Variants in CAMTA1 observed in about 807,000 individuals in gnomAD.
CAMTA1 encodes the protein calmodulin-binding transcription activator 1.
A neutral mutation model predicts 170.9 loss-of-function variants in CAMTA1; 27 were observed. The ratio of observed to expected loss-of-function variants is 0.16; its 90% CI spans 0.12 to 0.22. CAMTA1 has a LOEUF of 0.22. Ranked by LOEUF, CAMTA1 falls within the 10% of genes least tolerant of loss-of-function variation. The pLI, the probability that CAMTA1 is intolerant of heterozygous loss-of-function variation, is 1.00. For missense variants in CAMTA1, 1,619 were observed against 2,217.2 expected, an observed-to-expected ratio of 0.73 and a Z score of 5.42; for synonymous variants, 833 against 891.5, an observed-to-expected ratio of 0.93 and a Z score of 1.17.
chr1:6,886,137 A>T lies in CAMTA1; in HGVS notation c.234+60927A>T. 6.7e-6 allele frequency: 3 copies of T among 445,908 alleles called. No homozygotes were observed. The Admixed American group carries it at 7.2e-5, about 11-fold the overall frequency. 27.6% of individuals were successfully genotyped at this position (445,908 alleles called of 1,614,324 possible). ...TCTGCACGTGGTTATGGGTGGATGG[A>T]TGGGGGAAGTGACAGTGGGGTAACA... On this transcript the variant is annotated intron_variant, in intron 3 of 22. Coordinates refer to ENST00000303635, the MANE Select transcript of CAMTA1 (RefSeq NM_015215.4).
chr1:7,253,618 G>T (rs1226327724), intron 5 of CAMTA1, among the ~76,000 whole-genome samples: 1 of 152,118 alleles, frequency 6.6e-6, no homozygotes, highest in East Asian at 1.9e-4. Context: ...ACACATCCAT[G>T]CAAAGTACAT....
At chr1:7,096,323 T>A (rs1481634312) in intron 4 of CAMTA1, among the ~76,000 whole-genome samples, 1 of 152,120 alleles carries the variant, frequency 6.6e-6, no homozygotes, top group East Asian at 1.9e-4. Flanking sequence ...CTGATGGTGG[T>A]GGACATCAAA....
At chr1:6,863,121 C>T (rs933768230) in intron 3 of CAMTA1, among the ~76,000 whole-genome samples, 2 of 152,142 alleles carry the variant, frequency 1.3e-5, no homozygotes, top group Admixed American at 1.3e-4. Flanking sequence ...ACCAGCACGT[C>T]CCTCACTATA....
At chr1:6,884,569 A>G (rs760751178) in intron 3 of CAMTA1, among the ~76,000 whole-genome samples, 64 of 152,168 alleles carry the variant, frequency 4.2e-4, no homozygotes, top group Non-Finnish European at 7.2e-4. Context: ...ATCAGGTTTA[A>G]GCTTACTTCA....
At chr1:6,998,932 A>G (rs891103358) in intron 3 of CAMTA1, among the ~76,000 whole-genome samples, 2 of 152,236 alleles carry the variant, frequency 1.3e-5, no homozygotes, top group Non-Finnish European at 2.9e-5. Context: ...TACACATAAC[A>G]TAAAATTTAC....
intron 6 of CAMTA1, among the ~76,000 whole-genome samples, chr1:7,488,624 A>G (rs746978386): frequency 2.5e-4 from 38 of 152,158 alleles, no homozygotes; most frequent in Non-Finnish European, 4.6e-4. Flanking sequence ...ACATACACAT[A>G]CAATATACAT....
chr1:7,473,505 T>C (rs1225282322), intron 6 of CAMTA1, among the ~76,000 whole-genome samples: 4 of 152,194 alleles, frequency 2.6e-5, no homozygotes, highest in African/African-American at 9.6e-5. Context: ...TTCTGCTCCT[T>C]GTTCAGGAGA....
chr1:7,081,038 C>T (rs536374422), intron 3 of CAMTA1, among the ~76,000 whole-genome samples: 1 of 152,336 alleles, frequency 6.6e-6, no homozygotes, highest in African/African-American at 2.4e-5. Context: ...ACCAAAGGAA[C>T]AAGCTGCCTG....
intron 6 of CAMTA1, among the ~76,000 whole-genome samples, chr1:7,529,137 G>A (rs2150030854): frequency 6.6e-6 from 1 of 152,290 alleles, no homozygotes; most frequent in Admixed American, 6.5e-5. Flanking sequence ...AATGAAGGGG[G>A]CCTCCATAAA....
chr1:7,211,452 T>A lies in CAMTA1; in HGVS notation c.303-38039T>A, dbSNP rs1451530764. ...CGCTGTTCTGATTTTATTCTCACCA[T>A]AGATTAGCTTTACCTGTTCTAGCAC... On this transcript the variant is annotated intron_variant, in intron 4 of 22. Coordinates refer to ENST00000303635, the MANE Select transcript of CAMTA1 (RefSeq NM_015215.4). Among the ~76,000 whole-genome samples, 7 of 152,370 alleles carry A rather than the reference T, an allele frequency of 4.6e-5. No homozygotes were observed. The East Asian group carries it at 1.3e-3, about 29-fold the overall frequency.
At chr1:7,616,314 T>C (rs1191562232) in intron 6 of CAMTA1, among the ~76,000 whole-genome samples, 1 of 152,280 alleles carries the variant, frequency 6.6e-6, no homozygotes, top group Admixed American at 6.5e-5. Flanking sequence ...AGCAGAACTT[T>C]GAAATTAAAA....
At chr1:7,423,167 A>G (rs2091673636) in intron 5 of CAMTA1, among the ~76,000 whole-genome samples, 1 of 152,166 alleles carries the variant, frequency 6.6e-6, no homozygotes, top group African/African-American at 2.4e-5. Flanking sequence ...GCCTTCCTCA[A>G]TGGTTTAGAA....
chr1:7,495,656 C>T (rs1436402300), intron 6 of CAMTA1, among the ~76,000 whole-genome samples: 1 of 152,218 alleles, frequency 6.6e-6, no homozygotes, highest in Non-Finnish European at 1.5e-5. Flanking sequence ...ACACACTTTG[C>T]CTTCTTCCAG....
chr1:7,705,633 C>T (rs563106660), intron 11 of CAMTA1, among the ~76,000 whole-genome samples: 2 of 152,182 alleles, frequency 1.3e-5, no homozygotes, highest in East Asian at 3.9e-4. Flanking sequence ...GTGCCGCCTC[C>T]TTCCCGCGGC....
chr1:7,005,601 G>A (rs192106218), intron 3 of CAMTA1, among the ~76,000 whole-genome samples: 1 of 152,280 alleles, frequency 6.6e-6, no homozygotes, highest in African/African-American at 2.4e-5. Context: ...CTGGGTATGG[G>A]GGAAAGCTTG....
intron 3 of CAMTA1, among the ~76,000 whole-genome samples, chr1:6,881,175 G>A (rs1031950507): frequency 6.6e-6 from 1 of 152,116 alleles, no homozygotes; most frequent in Non-Finnish European, 1.5e-5. Flanking sequence ...AATCACTGTG[G>A]TATTTTGTTT....
Position 7,289,538 on chromosome 1 carries a change from G to A in CAMTA1, c.438+39912G>A, listed in dbSNP as rs193018379. ...TGCACTCTCACCTTCGTGTGTTTGT[G>A]GGCATCCTGGGTTGAATAGTATCCT... On this transcript the variant is annotated intron_variant, in intron 5 of 22. Coordinates refer to ENST00000303635, the MANE Select transcript of CAMTA1 (RefSeq NM_015215.4). 9.2e-5 allele frequency among the ~76,000 whole-genome samples: 14 copies of A among 152,278 alleles called. No homozygotes were observed. The East Asian group carries it at 2.5e-3, about 27-fold the overall frequency.
At chr1:7,136,043 G>A (rs546396576) in intron 4 of CAMTA1, among the ~76,000 whole-genome samples, 2 of 152,144 alleles carry the variant, frequency 1.3e-5, no homozygotes, top group Non-Finnish European at 2.9e-5. Context: ...GAGAAAAACA[G>A]GTACCTGTGC....
intron 1 of CAMTA1, among the ~76,000 whole-genome samples, chr1:6,802,569 C>T (rs1396029700): frequency 6.6e-6 from 1 of 152,168 alleles, no homozygotes; most frequent in East Asian, 1.9e-4. Flanking sequence ...ATATTGACTC[C>T]TAAAGGAGTG....
Sources: allele counts gnomAD v4.1 joint callset (sites outside exome capture counted in the v4.1 genomes callset), GRCh38; gene constraint gnomAD v4.1.1; transcripts MANE v1.5; gene names NCBI Gene and HGNC (gene_info 2026-07-23, HGNC 2026-07-21).